SYNE2: variants seen among roughly 807,000 people sequenced by gnomAD.
The protein encoded by SYNE2 is spectrin repeat containing nuclear envelope protein 2.
A neutral mutation model predicts 856.3 loss-of-function variants in SYNE2; 431 were observed. The ratio of observed to expected loss-of-function variants is 0.50; its 90% CI spans 0.47 to 0.55. The LOEUF is 0.55. SYNE2 is among the 20% of genes least tolerant of loss of function. The pLI is 0.00. For missense variants in SYNE2, 8,129 were observed against 8,023.2 expected, an observed-to-expected ratio of 1.01 and a Z score of -0.50; for synonymous variants, 2,923 against 2,872.3, an observed-to-expected ratio of 1.02 and a Z score of -0.56.
intron 2 of SYNE2, among the ~76,000 whole-genome samples, chr14:63,916,780 A>G (rs1028415698): frequency 4.6e-5 from 7 of 152,090 alleles, no homozygotes; most frequent in Admixed American, 2.0e-4. Context: ...TAGGAAGAGG[A>G]ACACTATTAA....
At chr14:63,852,591 G>A (rs1269568312), upstream of SYNE2, among the ~76,000 whole-genome samples, 2 of 152,152 alleles carry the variant, frequency 1.3e-5, no homozygotes, top group African/African-American at 4.8e-5. Flanking sequence ...AAGAGCCCGC[G>A]GGGTGAAATG....
At chr14:64,153,777 TAAATG>T (rs142655221) in intron 85 of SYNE2, among the ~76,000 whole-genome samples, 6,940 of 152,100 alleles carry the variant, frequency 0.046, 197 homozygotes, top group African/African-American at 0.067. Flanking sequence ...AAGAGAAAAT[TAAATG>T]AAATAATGCA....
intron 73 of SYNE2, among the ~76,000 whole-genome samples, chr14:64,128,174 A>G (rs1175443472): frequency 1.3e-5 from 2 of 152,168 alleles, no homozygotes; most frequent in Admixed American, 6.5e-5. Context: ...ACTGAAACGT[A>G]TACTGATGAA....
At chr14:63,978,365 AATGGGAGGAGGGAT>A (rs1311304266) in intron 13 of SYNE2, among the ~76,000 whole-genome samples, 2 of 152,324 alleles carry the variant, frequency 1.3e-5, no homozygotes, top group South Asian at 2.1e-4. Context: ...AACTGGATCA[AATGGGAGGAGGGAT>A]ATGAAAGCAC....
intron 50 of SYNE2, among the ~76,000 whole-genome samples, chr14:64,063,432 A>G (rs541444059): frequency 4.6e-5 from 7 of 152,356 alleles, no homozygotes; most frequent in Non-Finnish European, 1.0e-4. Context: ...AGGTTCACAG[A>G]CAGTCATCCC....
chr14:64,112,340 A>C (rs1243803011), intron 65 of SYNE2, among the ~76,000 whole-genome samples: 1 of 152,242 alleles, frequency 6.6e-6, no homozygotes, highest in Non-Finnish European at 1.5e-5. Flanking sequence ...ATCATAATCA[A>C]TAAAATATTT....
intron 99 of SYNE2, among the ~76,000 whole-genome samples, chr14:64,194,140 T>TA (rs2098530352): frequency 6.6e-6 from 1 of 152,240 alleles, no homozygotes; most frequent in African/African-American, 2.4e-5. Flanking sequence ...ACAGGTCATT[T>TA]AAAGCACTAT....
chr14:64,059,050 A>G (rs1193077640), intron 49 of SYNE2, among the ~76,000 whole-genome samples: 1 of 152,158 alleles, frequency 6.6e-6, no homozygotes. Context: ...CGTATCTGAT[A>G]GGATTTTTAA....
At chr14:64,197,409 C>A (rs1453356648) in intron 99 of SYNE2, among the ~76,000 whole-genome samples, 1 of 152,172 alleles carries the variant, frequency 6.6e-6, no homozygotes, top group Non-Finnish European at 1.5e-5. Flanking sequence ...ATTGTAATGC[C>A]TCTGCCCCTA....
chr14:63,772,167 A>G (rs1370740891), intron 1 of SYNE2, among the ~76,000 whole-genome samples: 1 of 152,164 alleles, frequency 6.6e-6, no homozygotes, highest in Non-Finnish European at 1.5e-5. Flanking sequence ...AAGTGTGGGC[A>G]GCATGGTGAA....
chr14:63,989,074 A>G (rs2096647513), intron 19 of SYNE2, among the ~76,000 whole-genome samples: 1 of 152,212 alleles, frequency 6.6e-6, no homozygotes, highest in African/African-American at 2.4e-5. Context: ...GAACTATCAT[A>G]TTTATTAGAC....
chr14:64,051,943 A>G lies in SYNE2; in HGVS notation c.8030A>G (p.His2677Arg), dbSNP rs777764821. 3.1e-6 allele frequency: 5 copies of G among 1,613,796 alleles called. No individual in the cohort carries two copies. The highest frequency in any genetic ancestry group is 1.7e-5 in the Admixed American group (1 of 60,000). ...ACCACTGACCTCCAGGCTACCAAGC[A>G]TGGATTTTCTGTTTTAAAGGGGCAA... The part of the protein sequence containing the change: ...ALTTDLQATK[H>R]GFSVLKGQAE... Residue 2677 changes from histidine (H) to arginine (R), a missense_variant, in exon 48 of 116, where the codon CAT becomes CGT. Coordinates refer to ENST00000555002, the MANE Select transcript of SYNE2 (RefSeq NM_182914.3).
At position 64,170,310 on chromosome 14, in the gene SYNE2, G is replaced by A. The variant is rs747649889; in HGVS notation, c.17083G>A (p.Val5695Ile). 35 of 1,614,056 alleles carry A rather than the reference G, an allele frequency of 2.2e-5. No homozygotes were observed. Among genetic ancestry groups the A allele is most frequent in the South Asian group, 5.5e-5 (5 of 91,088 alleles). Residue 5695 changes from valine (V) to isoleucine (I), a missense_variant, in exon 94 of 116, where the codon GTT (valine) becomes ATT (isoleucine). By Grantham distance (29) the Val-to-Ile change is conservative (BLOSUM62 3). Around this residue, in one of 3 missense-constraint regions of SYNE2, gnomAD observed 5,410 missense variants for 5,284.8 expected, o/e 1.02. Coordinates refer to ENST00000555002, the MANE Select transcript of SYNE2 (RefSeq NM_182914.3). ...GGGTGTTCGGCAGAGGAAGGGTGAC[G>A]TTGATGGGCTGGTGAGGCAGTGGCA... is the stretch of plus-strand genomic sequence containing the variant. ...VQGVRQRKGDVDGLVRQWQDF... is the reference protein window; with the variant it reads ...VQGVRQRKGDIDGLVRQWQDF...
chr14:64,202,727 A>T, intron 99 of SYNE2, 74 bp from the exon 100 acceptor site: 1 of 1,598,758 alleles, frequency 6.3e-7, no homozygotes, highest in Non-Finnish European at 8.6e-7. Flanking sequence ...TTCTTCCACC[A>T]CTAAGTATTG....
At chr14:64,128,917 T>C (rs1595713774) in intron 74 of SYNE2, among the ~76,000 whole-genome samples, 1 of 152,258 alleles carries the variant, frequency 6.6e-6, no homozygotes, top group South Asian at 2.1e-4. Flanking sequence ...TTTGACTTCA[T>C]GTATTTAGCA....
rs752484214 is a variant in SYNE2, at chr14:64,132,314, C to T, written c.14390C>T (p.Ser4797Phe). ...GACATGTTGTTGATCCAAGCATACT[C>T]TGCCAAAATACTTCCTTCTTTATTG... Reference protein sequence around the residue: ...VADMLLIQAYSAKILPSLLQN... With the variant: ...VADMLLIQAYFAKILPSLLQN... Residue 4797 changes from serine to phenylalanine, a missense_variant, in exon 77 of 116, where the codon TCT becomes TTT. This residue lies in a region of SYNE2 where 5,410 missense variants were observed against 5,284.8 expected (regional missense o/e 1.02). Coordinates refer to ENST00000555002, the MANE Select transcript of SYNE2 (RefSeq NM_182914.3). 6.2e-7 allele frequency: 1 copy of T among 1,614,008 alleles called. No individual in the cohort carries two copies. The highest frequency in any genetic ancestry group is 1.3e-5 in the African/African-American group (1 of 74,932).
chr14:63,793,768 C>CA (rs150759944), intron 1 of SYNE2, among the ~76,000 whole-genome samples: 5,694 of 151,352 alleles, frequency 0.038, 267 homozygotes, highest in East Asian at 0.25. Flanking sequence ...GAGGCCCCCC[C>CA]CCAACTAAAA....
intron 74 of SYNE2, among the ~76,000 whole-genome samples, chr14:64,129,499 C>T (rs755653121): frequency 6.6e-6 from 1 of 152,104 alleles, no homozygotes; most frequent in Non-Finnish European, 1.5e-5. Context: ...TGAAGAGATG[C>T]TGAAGAGCTG....
intron 11 of SYNE2, 64 bp from the exon 12 acceptor site, chr14:63,976,499 G>A: frequency 1.3e-6 from 2 of 1,535,294 alleles, no homozygotes; most frequent in East Asian, 2.3e-5. Context: ...CATACTGTAT[G>A]TGAAGAAATA....
Sources: gnomAD v4.1 joint callset for allele counts (sites outside exome capture counted in the v4.1 genomes callset) on GRCh38, gnomAD v4.1.1 for gene constraint, gnomAD v4.1.1 regional missense constraint, MANE v1.5 for transcripts, NCBI Gene and HGNC (gene_info 2026-07-23, HGNC 2026-07-21) for gene names.